Variants in ATG2B observed in about 807,000 individuals in gnomAD.
ATG2B encodes the protein autophagy related 2B.
Under a neutral mutation model 241.3 loss-of-function variants are expected in ATG2B, and 121 were observed. That is an observed-to-expected ratio of 0.50 (90% CI 0.43 to 0.58). ATG2B has a LOEUF of 0.58. ATG2B is among the 20% of genes least tolerant of loss of function. The probability of loss-of-function intolerance (pLI) is 0.00; values close to 1 mark genes in which losing one functional copy is unlikely to be tolerated. For synonymous variants in ATG2B, 858 were observed against 876.6 expected, an observed-to-expected ratio of 0.98 and a Z score of 0.37; for missense variants, 2,306 against 2,491.6, an observed-to-expected ratio of 0.93 and a Z score of 1.59.
At chr14:96,358,300 G>T (rs969411885) in intron 1 of ATG2B, among the ~76,000 whole-genome samples, 1 of 152,018 alleles carries the variant, frequency 6.6e-6, no homozygotes, top group African/African-American at 2.4e-5. Context: ...AACTGGGTGT[G>T]GTGGTGTACA....
chr14:96,305,642 A>G lies in ATG2B; in HGVS notation c.4680T>C (p.Tyr1560=), dbSNP rs1478403878. The change falls in exon 31 of 42, where the codon TAT becomes TAC. Residue 1560 remains tyrosine (Y), a synonymous_variant. Transcript: ENST00000359933. ...VKEVSLVWHL[Y]GGKDFGIVPP... is the part of the protein sequence containing the mutation. ...GGACTATTCCAAAATCCTTTCCTCC[A>G]TAAAGATGCCAGACAAGAGAGACCT... 3 of 1,614,194 alleles carry G rather than the reference A, an allele frequency of 1.9e-6. No homozygotes were observed. Among genetic ancestry groups the G allele is most frequent in the East Asian group, 4.5e-5 (2 of 44,880 alleles).
At chr14:96,308,278 A>ATTT (rs1566719982) in intron 29 of ATG2B, among the ~76,000 whole-genome samples, 1 of 27,718 alleles carries the variant, frequency 3.6e-5, no homozygotes, top group African/African-American at 1.6e-4. Context: ...ATATATATAT[A>ATTT]TATATTTTTT....
chr14:96,292,178 T>C (rs1171523969), intron 36 of ATG2B, 80 bp from the exon 37 acceptor site: 11 of 868,966 alleles, frequency 1.3e-5, no homozygotes, highest in Middle Eastern at 6.3e-4. Flanking sequence ...ATTTGTTCAA[T>C]TGGAGAATAA....
intron 11 of ATG2B, among the ~76,000 whole-genome samples, chr14:96,330,021 G>A (rs1424688149): frequency 1.3e-5 from 2 of 151,014 alleles, no homozygotes; most frequent in Non-Finnish European, 2.9e-5. Context: ...TTTTCCTACT[G>A]GCAGATGTTT....
Position 96,306,923 on chromosome 14 carries a change from A to G in ATG2B, c.4304-7T>C, listed in dbSNP as rs775577366. On this transcript the variant is annotated splice_region_variant and splice_polypyrimidine_tract_variant and intron_variant, in intron 29 of 41. Transcript: ENST00000359933. ...GATTTTTCATCCAAAACACCTAGAT[A>G]AAAAGATTACAACATTTTGGCACAC... 6.2e-7 allele frequency: 1 copy of G among 1,610,104 alleles called. No individual in the cohort carries two copies. The highest frequency in any genetic ancestry group is 8.5e-7 in the Non-Finnish European group (1 of 1,178,430).
In ATG2B at chr14:96,325,865, T is replaced by G. The variant is rs776667383; in HGVS notation, c.2221A>C (p.Ile741Leu). The G allele has an allele frequency of 1.2e-6, 2 of 1,613,988 alleles. No homozygotes were observed. Among genetic ancestry groups the G allele is most frequent in the Admixed American group, 3.3e-5 (2 of 59,992 alleles). Residue 741 changes from isoleucine to leucine, a missense_variant, in exon 15 of 42, where the codon ATA (isoleucine) becomes CTA (leucine). Ile to Leu is a conservative substitution (Grantham distance 5). This residue lies in a region of ATG2B where 1,927 missense variants were observed against 2,011.2 expected (regional missense o/e 0.96). Coordinates refer to ENST00000359933, the MANE Select transcript of ATG2B (RefSeq NM_018036.7). ...DDSHSPANCR[I>L]SVQVATPALN... is the part of the protein sequence containing the mutation. Reference sequence around the variant, plus strand: ...GCTGGTGTGGCAACTTGTACTGATATCCGACAATTTGCAGGACTATGTGAA... The same window carrying G: ...GCTGGTGTGGCAACTTGTACTGATAGCCGACAATTTGCAGGACTATGTGAA...
chr14:96,314,825 C>T (rs1337309458), intron 23 of ATG2B, among the ~76,000 whole-genome samples: 1 of 152,228 alleles, frequency 6.6e-6, no homozygotes, highest in Admixed American at 6.5e-5. Context: ...CTCAGCCTCT[C>T]CAGTAGCTGG....
At chr14:96,313,025 A>AC in intron 25 of ATG2B, 40 bp downstream of exon 25, 1 of 1,299,912 alleles carries the variant, frequency 7.7e-7, no homozygotes, top group South Asian at 1.3e-5. Context: ...GTATGTTTCG[A>AC]ACAGCTTTGT....
chr14:96,308,253 C>CAT (rs1309788039), intron 29 of ATG2B, among the ~76,000 whole-genome samples: 1 of 36,428 alleles, frequency 2.7e-5, no homozygotes, highest in African/African-American at 1.6e-4. Context: ...TATATATATA[C>CAT]ACACATATAT....
rs936422153 is a variant in ATG2B, at chr14:96,293,807, G to A, written c.5426+1153C>T. ...TTACCTAAGTAAGTATAGGGCTTGT[G>A]TACTTTTTAAACGTAAATAAATGGG... On this transcript the variant is annotated intron_variant, in intron 36 of 41. Coordinates refer to ENST00000359933, the MANE Select transcript of ATG2B (RefSeq NM_018036.7). 5.9e-5 allele frequency among the ~76,000 whole-genome samples: 9 copies of A among 152,008 alleles called. No individual in the cohort carries two copies. The East Asian group carries it at 1.7e-3, about 29-fold the overall frequency.
chr14:96,316,305 T>C (rs1204250570), intron 21 of ATG2B, among the ~76,000 whole-genome samples: 2 of 152,214 alleles, frequency 1.3e-5, no homozygotes, highest in African/African-American at 4.8e-5. Context: ...CACTGAAAGG[T>C]ACACTTTAAA....
At chr14:96,303,453 T>C (rs1034379523) in intron 32 of ATG2B, among the ~76,000 whole-genome samples, 198 bp from the exon 33 acceptor site, 6 of 152,198 alleles carry the variant, frequency 3.9e-5, no homozygotes, top group African/African-American at 9.7e-5. Flanking sequence ...TGCTCCCTGC[T>C]TGTCCAAGGT....
chr14:96,288,298 C>T (rs1350507387), intron 41 of ATG2B, among the ~76,000 whole-genome samples: 1 of 152,152 alleles, frequency 6.6e-6, no homozygotes, highest in African/African-American at 2.4e-5. Flanking sequence ...ATATTTGGCA[C>T]AAAGTAAGCA....
chr14:96,289,775 A>T lies in ATG2B; in HGVS notation c.5887T>A (p.Ser1963Thr), dbSNP rs757463182. The change falls in exon 41 of 42, where the codon TCT (serine) becomes ACT (threonine). Residue 1963 changes from serine to threonine, a missense_variant. Ser to Thr is a moderately conservative substitution (Grantham distance 58, BLOSUM62 1). Transcript: ENST00000359933. The surrounding 1 kb of genome is among the most constrained non-coding windows in gnomAD (Gnocchi z 4.3). ...GGCTCGATAGAAAGGGTACCAGGAGACACCATATCATAAGCAGTCTCTGCA... is the reference window on the plus strand; with the variant it reads ...GGCTCGATAGAAAGGGTACCAGGAGTCACCATATCATAAGCAGTCTCTGCA... ...AAAETAYDMV[S>T]PGTLSIEPKK... 24 of 1,614,016 alleles carry T rather than the reference A, an allele frequency of 1.5e-5. No homozygotes were observed. The South Asian group carries it at 2.5e-4, about 17-fold the overall frequency.
chr14:96,339,929 C>A (rs899648510), intron 6 of ATG2B, among the ~76,000 whole-genome samples: 1 of 151,050 alleles, frequency 6.6e-6, no homozygotes, highest in Non-Finnish European at 1.5e-5. Context: ...AATAGAACTT[C>A]CATATGATTC....
chr14:96,325,882 CTA>C lies in ATG2B; in HGVS notation c.2202_2203del (p.His734GlnfsTer26), dbSNP rs760206982. On this transcript the variant is annotated frameshift_variant, in exon 15 of 42. Transcript: ENST00000359933. LOFTEE classifies it high-confidence loss of function. ...TACTGATATCCGACAATTTGCAGGA[CTA>C]TGTGAATCATCTAGAAACACTTCAG... The C allele has an allele frequency of 1.2e-6, 2 of 1,613,870 alleles. No homozygotes were observed. Among genetic ancestry groups the C allele is most frequent in the Non-Finnish European group, 8.5e-7 (1 of 1,179,940 alleles).
Position 96,333,758 on chromosome 14 carries a change from G to A in ATG2B, c.1137C>T (p.Ser379=). The change falls in exon 8 of 42, where the codon TCC becomes TCT. Residue 379 remains serine (S), a synonymous_variant. Transcript: ENST00000359933. The stretch of plus-strand genomic sequence containing the variant: ...GCTCTGAAGATACACCCACAGAGAG[G>A]GAATCTTTTCTCAAATAATACCGGT... ...ELNRYYLRKD[S]LSVGVSSEQS... is the part of the protein sequence containing the mutation. 1 of 1,613,768 alleles carries A rather than the reference G, an allele frequency of 6.2e-7. No homozygotes were observed. Among genetic ancestry groups the A allele is most frequent in the Non-Finnish European group, 8.5e-7 (1 of 1,179,836 alleles).
At chr14:96,350,908 T>C (rs1292912681) in intron 1 of ATG2B, among the ~76,000 whole-genome samples, 5 of 152,232 alleles carry the variant, frequency 3.3e-5, no homozygotes, top group African/African-American at 7.2e-5. Context: ...TCCTGTCCCA[T>C]AGTTCCTTGT....
chr14:96,339,307 TACATATATACACAC>T (rs1270997991), intron 6 of ATG2B, among the ~76,000 whole-genome samples: 4 of 150,854 alleles, frequency 2.7e-5, no homozygotes, highest in South Asian at 2.1e-4. Context: ...TGTGTGTGTA[TACATATATACACAC>T]ACATATATAC....
Sources: gnomAD v4.1 joint callset for allele counts (sites outside exome capture counted in the v4.1 genomes callset) on GRCh38, gnomAD v4.1.1 for gene constraint, gnomAD v4.1.1 regional missense constraint, Gnocchi (gnomAD v3.1) non-coding constraint, MANE v1.5 for transcripts, NCBI Gene and HGNC (gene_info 2026-07-23, HGNC 2026-07-21) for gene names.